GFRA2: variants seen among roughly 807,000 people sequenced by gnomAD.
GFRA2 encodes GDNF family receptor alpha 2.
In GFRA2, 17 loss-of-function variants were observed where a neutral mutation model predicts 48.3. The observed-to-expected ratio is 0.35, with a 90% CI of 0.24 to 0.53. The LOEUF (loss-of-function observed/expected upper bound fraction) is 0.53, where lower values mean the gene tolerates loss of function less well. Ranked by LOEUF, GFRA2 falls within the 20% of genes least tolerant of loss-of-function variation. The pLI is 0.93. For missense variants in GFRA2, 660 were observed against 637.3 expected (o/e 1.04, Z -0.38); for synonymous variants, 305 against 257.2 (o/e 1.19, Z -1.78).
At chr8:21,787,987 G>C (rs1394954792) in intron 1 of GFRA2, 133 bp downstream of exon 1, 1 of 483,162 alleles carries the variant, frequency 2.1e-6, no homozygotes, top group Non-Finnish European at 3.4e-6. Context: ...CGGTTCGCCA[G>C]CACCGGGCCC....
intron 1 of GFRA2, 79 bp downstream of exon 1, chr8:21,788,041 C>G: frequency 1.6e-6 from 1 of 626,216 alleles, no homozygotes; most frequent in Non-Finnish European, 2.6e-6. Context: ...TCCCGCCAGC[C>G]CCCCACCGGC....
chr8:21,715,540 C>T (rs182989177), intron 4 of GFRA2, among the ~76,000 whole-genome samples: 70 of 152,280 alleles, frequency 4.6e-4, no homozygotes, highest in South Asian at 2.3e-3. Context: ...AACTTCTGAC[C>T]TCATGATCCA....
At chr8:21,748,375 C>G (rs1327135594) in intron 4 of GFRA2, among the ~76,000 whole-genome samples, 1 of 152,126 alleles carries the variant, frequency 6.6e-6, no homozygotes, top group African/African-American at 2.4e-5. Flanking sequence ...TTATGGAATG[C>G]TCACCAAGTG....
intron 3 of GFRA2, among the ~76,000 whole-genome samples, chr8:21,761,234 C>G (rs899242527): frequency 6.6e-6 from 1 of 152,196 alleles, no homozygotes. Context: ...CCCTCAAGAT[C>G]CATTTATTTT....
chr8:21,708,023 C>T (rs962095915), intron 4 of GFRA2, among the ~76,000 whole-genome samples: 17 of 152,216 alleles, frequency 1.1e-4, no homozygotes, highest in East Asian at 3.9e-4. Context: ...CCCAAGATCA[C>T]AGAGTCACTG....
intron 3 of GFRA2, among the ~76,000 whole-genome samples, chr8:21,767,492 G>T (rs1392687208): frequency 2.0e-5 from 3 of 152,232 alleles, no homozygotes; most frequent in Non-Finnish European, 4.4e-5. Flanking sequence ...AATGCCCAGG[G>T]CACGTGCTCA....
At chr8:21,711,645 G>A (rs1803033155) in intron 4 of GFRA2, among the ~76,000 whole-genome samples, 1 of 151,164 alleles carries the variant, frequency 6.6e-6, no homozygotes, top group Non-Finnish European at 1.5e-5. Context: ...GCATAAGTAT[G>A]TCCCACATAA....
chr8:21,786,920 A>G (rs373828128), intron 1 of GFRA2, among the ~76,000 whole-genome samples: 1,581 of 152,180 alleles, frequency 0.01, 23 homozygotes, highest in African/African-American at 0.035. Flanking sequence ...CTGGCTCAAC[A>G]CTGGCTACAC....
Position 21,775,989 on chromosome 8 carries a change from CTGTGTGTGTGTGTGTGTGTG to C in GFRA2, c.356-954_356-935del, listed in dbSNP as rs200687629. Among the ~76,000 whole-genome samples the C allele has an allele frequency of 2.9e-3, 370 of 126,478 alleles. 3 individuals are homozygous for C. The highest frequency in any genetic ancestry group is 4.2e-3 in the African/African-American group (135 of 32,004). The allele number at this position is 126,478 out of a possible 152,430, so 83.0% of individuals were successfully genotyped here. On this transcript the variant is annotated intron_variant, in intron 2 of 8. Coordinates refer to ENST00000524240, the MANE Select transcript of GFRA2 (RefSeq NM_001495.5). ...AAATTGATGGCTCACCACTCATCCTCTGTGTGTGTGTGTGTGTGTGTGTGTGTGTGTGTGTGTGTGTGTGT... is the reference window on the plus strand; with the variant it reads ...AAATTGATGGCTCACCACTCATCCTCTGTGTGTGTGTGTGTGTGTGTGTGT...
intron 3 of GFRA2, among the ~76,000 whole-genome samples, chr8:21,771,091 C>A (rs975458674): frequency 1.3e-5 from 2 of 152,286 alleles, no homozygotes; most frequent in South Asian, 4.2e-4. Flanking sequence ...GTCCCTGATG[C>A]GCCGTGGGCA....
Position 21,694,506 on chromosome 8 carries a change from C to T in GFRA2, c.1230G>A (p.Leu410=). Residue 410 remains leucine (L), a synonymous_variant, in exon 8 of 9, where the codon CTG becomes CTA. Coordinates refer to ENST00000524240, the MANE Select transcript of GFRA2 (RefSeq NM_001495.5). ...TTCTSVQEQG[L]KANNSKELSM... ...TTAACTCTTTGGAGTTGTTGGCCTT[C>T]AGCCCCTGCTCCTGCGAGAGAGAAG... 6.2e-7 allele frequency: 1 copy of T among 1,611,294 alleles called. No homozygotes were observed. Among genetic ancestry groups the T allele is most frequent in the Non-Finnish European group, 8.5e-7 (1 of 1,179,036 alleles).
intron 4 of GFRA2, among the ~76,000 whole-genome samples, chr8:21,710,416 T>C (rs897487592): frequency 6.6e-6 from 1 of 152,172 alleles, no homozygotes; most frequent in Non-Finnish European, 1.5e-5. Context: ...GACCCACTTA[T>C]CCTGCAAGGT....
chr8:21,738,944 C>A (rs1436298039), intron 4 of GFRA2, among the ~76,000 whole-genome samples: 2 of 152,294 alleles, frequency 1.3e-5, no homozygotes, highest in South Asian at 2.1e-4. Flanking sequence ...CTTATTTTGA[C>A]AAGGAAAACA....
intron 2 of GFRA2, among the ~76,000 whole-genome samples, chr8:21,804,132 T>A (rs1297527016): frequency 6.6e-6 from 1 of 152,012 alleles, no homozygotes; most frequent in Non-Finnish European, 1.5e-5. Flanking sequence ...CCAAAAATCA[T>A]TCGCTTTACC....
intron 1 of GFRA2, among the ~76,000 whole-genome samples, chr8:21,809,662 G>A (rs898282470): frequency 2.0e-5 from 3 of 152,156 alleles, no homozygotes; most frequent in South Asian, 2.1e-4. Flanking sequence ...GTTGAGGCCT[G>A]TACCCCCCAG....
chr8:21,701,288 G>A (rs911806496), intron 7 of GFRA2, among the ~76,000 whole-genome samples: 1 of 152,174 alleles, frequency 6.6e-6, no homozygotes, highest in Non-Finnish European at 1.5e-5. Context: ...CAGCTACTCG[G>A]GAGGCTGAGG....
At chr8:21,774,629 T>G (rs1278634914) in intron 3 of GFRA2, among the ~76,000 whole-genome samples, 2 of 152,026 alleles carry the variant, frequency 1.3e-5, no homozygotes, top group Non-Finnish European at 2.9e-5. Flanking sequence ...TTAAGCAACT[T>G]GACAAAGTGG....
intron 2 of GFRA2, among the ~76,000 whole-genome samples, chr8:21,796,254 C>T (rs991639124): frequency 6.6e-6 from 1 of 152,228 alleles, no homozygotes; most frequent in East Asian, 1.9e-4. Flanking sequence ...GGAGAAACCT[C>T]ACAGCTTCTC....
chr8:21,738,355 G>A (rs886862607), intron 4 of GFRA2, among the ~76,000 whole-genome samples: 1 of 151,274 alleles, frequency 6.6e-6, no homozygotes, highest in East Asian at 1.9e-4. Context: ...GCTGACCTCT[G>A]AAGGTCTCTG....
Sources: allele counts gnomAD v4.1 joint callset (sites outside exome capture counted in the v4.1 genomes callset), GRCh38; gene constraint gnomAD v4.1.1; transcripts MANE v1.5; gene names NCBI Gene and HGNC (gene_info 2026-07-23, HGNC 2026-07-21).